The following PCDHA2 variants were observed in gnomAD, a reference collection of about 807,000 sequenced individuals.
PCDHA2 encodes protocadherin alpha 2.
A neutral mutation model predicts 66.0 loss-of-function variants in PCDHA2; 58 were observed. The ratio of observed to expected loss-of-function variants is 0.88; its 90% CI spans 0.71 to 1.09. PCDHA2 has a LOEUF of 1.09. Among genes scored for constraint, PCDHA2 ranks in the 50% least tolerant of loss-of-function variants. The probability of loss-of-function intolerance (pLI) is 0.00; values close to 1 mark genes in which losing one functional copy is unlikely to be tolerated. For synonymous variants in PCDHA2, 634 were observed against 554.0 expected (o/e 1.14, Z -2.03); for missense variants, 1,267 against 1,242.3 (o/e 1.02, Z -0.30).
At chr5:140,854,372 C>A in intron 1 of PCDHA2, 1 of 156,718 alleles carries the variant, frequency 6.4e-6, no homozygotes, top group South Asian at 2.0e-4. Context: ...TATTTTGATA[C>A]ATAACTCATT....
chr5:140,808,741 C>T (rs374265125), intron 1 of PCDHA2: 110 of 1,611,992 alleles, frequency 6.8e-5, no homozygotes, highest in Non-Finnish European at 8.5e-5. Flanking sequence ...GCAAGGTGTA[C>T]GCGCTGCAGC....
chr5:140,843,468 T>C, intron 1 of PCDHA2: 2 of 1,595,998 alleles, frequency 1.3e-6, no homozygotes, highest in Non-Finnish European at 1.7e-6. Flanking sequence ...CTCACGCTGC[T>C]GCTGTACACT....
intron 1 of PCDHA2, among the ~76,000 whole-genome samples, chr5:140,873,786 G>A (rs1354744282): frequency 3.3e-5 from 5 of 152,056 alleles, no homozygotes; most frequent in Non-Finnish European, 7.4e-5. Flanking sequence ...TCAGCTTTCC[G>A]AGAAGCTGGG....
intron 1 of PCDHA2, among the ~76,000 whole-genome samples, chr5:140,832,589 G>A (rs1234557641): frequency 2.6e-5 from 4 of 152,158 alleles, no homozygotes; most frequent in Non-Finnish European, 5.9e-5. Context: ...AGGAAGTAGA[G>A]AACTATAGCG....
At position 140,804,615 on chromosome 5, in the gene PCDHA2, G is replaced by C. The variant is rs1389519044; in HGVS notation, c.2388+7263G>C. 2.0e-5 allele frequency: 3 copies of C among 152,850 alleles called. No homozygotes were observed. In the East Asian group the frequency reaches 5.7e-4, roughly 29 times the overall value. 9.5% of individuals were successfully genotyped at this position (152,850 alleles called of 1,614,324 possible). ...AAGCCAATGTTATAATGTTATTACT[G>C]GTTAACTTCTCTGAATAGCATCCTG... On this transcript the variant is annotated intron_variant, in intron 1 of 3. Transcript: ENST00000526136.
rs370812126 is a variant in PCDHA2, at chr5:140,869,802, G to A, written c.2388+72450G>A. On this transcript the variant is annotated intron_variant, in intron 1 of 3. Coordinates refer to ENST00000526136, the MANE Select transcript of PCDHA2 (RefSeq NM_018905.3). ...CCGTTCGGCTGTTAGTCCAAGTCTT[G>A]GATGTCAACGACAATGATCCAGAGT... 12 of 1,612,438 alleles carry A rather than the reference G, an allele frequency of 7.4e-6. No homozygotes were observed. The African/African-American group carries it at 1.3e-4, about 18-fold the overall frequency.
chr5:140,845,119 A>C (rs1166318033), intron 1 of PCDHA2, among the ~76,000 whole-genome samples: 4 of 149,728 alleles, frequency 2.7e-5, no homozygotes, highest in African/African-American at 9.8e-5. Flanking sequence ...GTCCATGTTT[A>C]GCATTTTATT....
At chr5:140,987,235 TAAAG>T (rs1182642222) in intron 3 of PCDHA2, among the ~76,000 whole-genome samples, 2 of 151,266 alleles carry the variant, frequency 1.3e-5, no homozygotes, top group African/African-American at 2.4e-5. Flanking sequence ...AAATAATAAA[TAAAG>T]AAAGAAAGAC....
chr5:140,807,473 T>C, intron 1 of PCDHA2: 1 of 1,612,608 alleles, frequency 6.2e-7, no homozygotes, highest in Non-Finnish European at 8.5e-7. Context: ...GGAGGAGCTG[T>C]GCCGGCGGAG....
chr5:140,850,669 C>T lies in PCDHA2; in HGVS notation c.2388+53317C>T, dbSNP rs2150493050. 128 of 1,598,504 alleles carry T rather than the reference C, an allele frequency of 8.0e-5. 13 individuals are homozygous for T. The highest frequency in any genetic ancestry group is 3.3e-4 in the Middle Eastern group (2 of 5,998). The stretch of plus-strand genomic sequence containing the variant: ...CTGTACACTGTGCTGCGGTGCTCGG[C>T]GATGCCCACCGAGGGCGAGTGCGCG... On this transcript the variant is annotated intron_variant, in intron 1 of 3. Transcript: ENST00000526136.
At position 140,885,311 on chromosome 5, in the gene PCDHA2, T is replaced by C. The variant is rs3776122; in HGVS notation, c.2388+87959T>C. On this transcript the variant is annotated intron_variant, in intron 1 of 3. Transcript: ENST00000526136. Reference sequence around the variant, plus strand: ...AGAGAGAGACCTGGTAGGCTTTTTGTTATTATTTCTTTTCCAAAGTTTGAA... The same window carrying C: ...AGAGAGAGACCTGGTAGGCTTTTTGCTATTATTTCTTTTCCAAAGTTTGAA... Among the ~76,000 whole-genome samples, 52 of 152,304 alleles carry C rather than the reference T, an allele frequency of 3.4e-4. No individual in the cohort carries two copies. In the East Asian group the frequency reaches 7.5e-3, roughly 22 times the overall value.
At chr5:140,812,240 A>G (rs1765070291) in intron 1 of PCDHA2, 1 of 151,674 alleles carries the variant, frequency 6.6e-6, no homozygotes, top group African/African-American at 2.4e-5. Context: ...ATGTCTTGGT[A>G]GTTTGTATGT....
chr5:140,920,456 T>C (rs2079640226), intron 1 of PCDHA2, among the ~76,000 whole-genome samples: 1 of 152,192 alleles, frequency 6.6e-6, no homozygotes, highest in African/African-American at 2.4e-5. Flanking sequence ...AATTGACAAA[T>C]TTGTTATATT....
At chr5:140,830,026 C>G in intron 1 of PCDHA2, 1 of 1,613,904 alleles carries the variant, frequency 6.2e-7, no homozygotes, top group Non-Finnish European at 8.5e-7. Context: ...CTCCGCGCCA[C>G]CGGCTGCTGG....
chr5:140,850,917 T>C, intron 1 of PCDHA2: 1 of 1,530,140 alleles, frequency 6.5e-7, no homozygotes. Flanking sequence ...TTTATTTATT[T>C]ATATAATTTT....
intron 1 of PCDHA2, chr5:140,851,160 A>G: frequency 7.7e-7 from 1 of 1,297,140 alleles, no homozygotes; most frequent in Non-Finnish European, 9.9e-7. Context: ...TTCTGATGCT[A>G]TGCTGCCATA....
intron 1 of PCDHA2, chr5:140,876,687 C>T: frequency 6.2e-7 from 1 of 1,614,212 alleles, no homozygotes; most frequent in Non-Finnish European, 8.5e-7. Flanking sequence ...AGAATTACTA[C>T]TCGTTGGTGC....
intron 1 of PCDHA2, chr5:140,801,060 A>G: frequency 4.1e-6 from 6 of 1,452,866 alleles, no homozygotes; most frequent in Non-Finnish European, 4.5e-6. Flanking sequence ...AGCGTGCATT[A>G]CGTATTCAGA....
chr5:140,841,016 A>G (rs1375684140), intron 1 of PCDHA2, among the ~76,000 whole-genome samples: 1 of 152,070 alleles, frequency 6.6e-6, no homozygotes, highest in African/African-American at 2.4e-5. Context: ...AGACAGTATG[A>G]ATGCCTCTGC....
Sources: gnomAD v4.1 joint callset for allele counts (sites outside exome capture counted in the v4.1 genomes callset) on GRCh38, gnomAD v4.1.1 for gene constraint, MANE v1.5 for transcripts, NCBI Gene and HGNC (gene_info 2026-07-23, HGNC 2026-07-21) for gene names.